The following IGF2R variants were observed in gnomAD, a reference collection of about 807,000 sequenced individuals.
The protein encoded by IGF2R is cation-independent mannose-6-phosphate receptor.
Under a neutral mutation model 270.6 loss-of-function variants are expected in IGF2R, and 91 were observed. The observed-to-expected ratio is 0.34, with a 90% CI of 0.28 to 0.40. The LOEUF (loss-of-function observed/expected upper bound fraction) is 0.40, where lower values mean the gene tolerates loss of function less well. Among genes scored for constraint, IGF2R ranks in the 10% least tolerant of loss-of-function variants. The probability of loss-of-function intolerance (pLI) is 1.00; values close to 1 mark genes in which losing one functional copy is unlikely to be tolerated. For synonymous variants in IGF2R, 1,316 were observed against 1,258.9 expected, an observed-to-expected ratio of 1.05 and a Z score of -0.96; for missense variants, 2,805 against 3,188.3, an observed-to-expected ratio of 0.88 and a Z score of 2.90.
chr6:160,071,769 G>A (rs894674951), intron 31 of IGF2R, 141 bp from the exon 32 acceptor site: 10 of 1,108,286 alleles, frequency 9.0e-6, no homozygotes, highest in South Asian at 4.2e-5. Flanking sequence ...CCTAATCTGC[G>A]CCTCATCCCA....
At chr6:160,082,740 G>T (rs1424064925) in intron 39 of IGF2R, among the ~76,000 whole-genome samples, 1 of 152,244 alleles carries the variant, frequency 6.6e-6, no homozygotes, top group Non-Finnish European at 1.5e-5. Flanking sequence ...GGTCTATTTG[G>T]AGTCAGGATA....
chr6:160,068,218 CCTAA>C, intron 29 of IGF2R, 27 bp from the exon 30 acceptor site: 9 of 1,612,778 alleles, frequency 5.6e-6, no homozygotes, highest in Non-Finnish European at 7.6e-6. Flanking sequence ...TACGACCAAG[CCTAA>C]CTAACTGCGG....
At chr6:160,039,507 G>A (rs1777896127) in intron 10 of IGF2R, among the ~76,000 whole-genome samples, 1 of 152,204 alleles carries the variant, frequency 6.6e-6, no homozygotes, top group South Asian at 2.1e-4. Context: ...CTCACTACAG[G>A]TTTGCCGCTG....
chr6:160,034,319 TTGATGC>T (rs1777765372), intron 9 of IGF2R, 94 bp from the exon 10 acceptor site: 1 of 700,876 alleles, frequency 1.4e-6, no homozygotes, highest in Non-Finnish European at 2.6e-6. Context: ...TAGTGATTTG[TTGATGC>T]TACGCAAAAG....
rs749310636 is a variant in IGF2R at position 160,084,969 on chromosome 6, A to C, written c.6069-26A>C. The C allele has an allele frequency of 1.9e-6, 3 of 1,602,948 alleles. No individual in the cohort carries two copies. The Admixed American group carries it at 5.0e-5, about 27-fold the overall frequency. On this transcript the variant is annotated intron_variant, in intron 40 of 47. Transcript: ENST00000356956. The surrounding 1 kb of genome is among the most constrained non-coding windows in gnomAD (Gnocchi z 4.6). ...CAGAGACGTCACTTGCATGCCTTTT[A>C]CCTGCCCCTTTGTGTCGTTTTCTAG... is the stretch of plus-strand genomic sequence containing the variant.
At chr6:159,985,178 T>A (rs138174393) in intron 1 of IGF2R, among the ~76,000 whole-genome samples, 1 of 152,368 alleles carries the variant, frequency 6.6e-6, no homozygotes, top group African/African-American at 2.4e-5. Context: ...TGGCATTTAT[T>A]GTGACAAGAT....
chr6:160,098,579 G>A (rs1269399372), intron 45 of IGF2R, among the ~76,000 whole-genome samples: 1 of 152,146 alleles, frequency 6.6e-6, no homozygotes, highest in Non-Finnish European at 1.5e-5. Flanking sequence ...AACATTTTGG[G>A]AGGCTAAGGT....
rs754736133 is a variant in IGF2R, at chr6:160,046,545, A to G, written c.1951A>G (p.Lys651Glu). Residue 651 changes from lysine to glutamate, a missense_variant, in exon 15 of 48, where the codon AAA becomes GAA. By Grantham distance (56) the Lys-to-Glu change is moderately conservative. This residue lies in a region of IGF2R where 954 missense variants were observed against 981.1 expected (regional missense o/e 0.97). Transcript: ENST00000356956. ...SPLTKKNGAY[K>E]VETKKYDFYI... ...TCTCACAAAGAAAAATGGTGCCTAT[A>G]AAGTTGAGACAAAGAAGTATGACTT... is the stretch of plus-strand genomic sequence containing the variant. 2.4e-5 allele frequency: 38 copies of G among 1,613,798 alleles called. No individual in the cohort carries two copies. The highest frequency in any genetic ancestry group is 2.9e-5 in the Non-Finnish European group (34 of 1,179,932).
chr6:160,075,206 GT>G (rs1778831273), intron 35 of IGF2R, among the ~76,000 whole-genome samples: 1 of 152,178 alleles, frequency 6.6e-6, no homozygotes, highest in Non-Finnish European at 1.5e-5. Context: ...TAAAAAAAGA[GT>G]TTTTTGTTTT....
At chr6:160,000,029 A>G (rs758750271) in intron 2 of IGF2R, among the ~76,000 whole-genome samples, 25 of 152,228 alleles carry the variant, frequency 1.6e-4, no homozygotes, top group Non-Finnish European at 2.9e-4. Context: ...TACTATTAGG[A>G]TGAGAGCTTT....
chr6:160,093,749 C>T (rs1779283750), intron 44 of IGF2R: 1 of 756,596 alleles, frequency 1.3e-6, no homozygotes, highest in Non-Finnish European at 2.5e-6. Context: ...AAGCAACAAA[C>T]TGCAGTTTGC....
intron 42 of IGF2R, among the ~76,000 whole-genome samples, chr6:160,088,789 T>A (rs926219950): frequency 4.6e-5 from 7 of 152,198 alleles, no homozygotes; most frequent in Non-Finnish European, 7.3e-5. Flanking sequence ...TTTTAAAAAA[T>A]TTATATTGAA....
At chr6:160,037,111 A>G (rs1398242559) in intron 10 of IGF2R, among the ~76,000 whole-genome samples, 1 of 152,238 alleles carries the variant, frequency 6.6e-6, no homozygotes, top group Admixed American at 6.5e-5. Context: ...CCCTGATGCC[A>G]AGAACGAACA....
chr6:159,969,214 C>T lies in IGF2R; in HGVS notation c.-33C>T, dbSNP rs1583232993. 3.0e-6 allele frequency: 3 copies of T among 984,260 alleles called. No individual in the cohort carries two copies. Among genetic ancestry groups the T allele is most frequent in the East Asian group, 2.3e-4 (2 of 8,746 alleles). 61.0% of individuals were successfully genotyped at this position (984,260 alleles called of 1,614,324 possible). A position where few individuals can be genotyped will look rare whatever the true frequency, so the allele number is the denominator to read the frequency against. On this transcript the variant is annotated 5_prime_UTR_variant, in exon 1 of 48. Transcript: ENST00000356956. ...CCCCCAGCAGTCGCGCGCCGTTAGC[C>T]TCGCGCCCGCCGCGCAGTCCGGGCC...
intron 29 of IGF2R, among the ~76,000 whole-genome samples, chr6:160,067,703 G>A (rs1327809816): frequency 6.6e-6 from 1 of 152,208 alleles, no homozygotes; most frequent in Non-Finnish European, 1.5e-5. Flanking sequence ...CTGGCATGGG[G>A]TTGGTTCCCA....
intron 21 of IGF2R, 22 bp from the exon 22 acceptor site, chr6:160,058,884 G>A (rs1285203957): frequency 6.2e-7 from 1 of 1,609,400 alleles, no homozygotes; most frequent in Non-Finnish European, 8.5e-7. Flanking sequence ...TGTTTGTATG[G>A]CTCTTACCGT....
At chr6:159,990,693 G>A (rs62440101) in intron 1 of IGF2R, among the ~76,000 whole-genome samples, 27,413 of 151,816 alleles carry the variant, frequency 0.18, 2,878 homozygotes, top group East Asian at 0.35. Flanking sequence ...GCAGTGGCAC[G>A]ATCTCGGCTC....
intron 44 of IGF2R, among the ~76,000 whole-genome samples, chr6:160,090,785 G>A (rs1779203404): frequency 6.6e-6 from 1 of 152,266 alleles, no homozygotes; most frequent in African/African-American, 2.4e-5. Context: ...AAGAGCTGCC[G>A]ATCATGTCCT....
chr6:160,083,937 C>G lies in IGF2R; in HGVS notation c.5834-13C>G, dbSNP rs757288970. On this transcript the variant is annotated splice_polypyrimidine_tract_variant and intron_variant, in intron 39 of 47. Coordinates refer to ENST00000356956, the MANE Select transcript of IGF2R (RefSeq NM_000876.4). ...ACAGTCTGATCTCTCTCTCTTTTCC[C>G]TACACTCCCCAGCAAACAGCTACCG... 2.5e-6 allele frequency: 4 copies of G among 1,587,354 alleles called. No homozygotes were observed. Among genetic ancestry groups the G allele is most frequent in the Non-Finnish European group, 3.5e-6 (4 of 1,155,566 alleles).
Sources: gnomAD v4.1 joint callset for allele counts (sites outside exome capture counted in the v4.1 genomes callset) on GRCh38, gnomAD v4.1.1 for gene constraint, gnomAD v4.1.1 regional missense constraint, Gnocchi (gnomAD v3.1) non-coding constraint, MANE v1.5 for transcripts, NCBI Gene and HGNC (gene_info 2026-07-23, HGNC 2026-07-21) for gene names.